Variants in PTK2 observed in about 807,000 individuals in gnomAD.
PTK2 encodes the protein focal adhesion kinase 1.
In PTK2, 45 loss-of-function variants were observed where a neutral mutation model predicts 150.1. The observed-to-expected ratio is 0.30, with a 90% CI of 0.24 to 0.38. The LOEUF is 0.38. Ranked by LOEUF, PTK2 falls within the 10% of genes least tolerant of loss-of-function variation. The pLI, the probability that PTK2 is intolerant of heterozygous loss-of-function variation, is 1.00. For missense variants in PTK2, 919 were observed against 1,307.3 expected, an observed-to-expected ratio of 0.70 and a Z score of 4.58; for synonymous variants, 432 against 449.2, an observed-to-expected ratio of 0.96 and a Z score of 0.48.
At chr8:140,678,419 T>C (rs2100015073) in intron 27 of PTK2, among the ~76,000 whole-genome samples, 1 of 152,084 alleles carries the variant, frequency 6.6e-6, no homozygotes. Context: ...TGATCTTTGT[T>C]CACTGTAGAC....
At chr8:140,672,022 T>A (rs978670338) in intron 29 of PTK2, 7 of 362,302 alleles carry the variant, frequency 1.9e-5, no homozygotes, top group Non-Finnish European at 3.8e-5. Flanking sequence ...CCTATCCTAA[T>A]TGTATGTATT....
intron 23 of PTK2, among the ~76,000 whole-genome samples, chr8:140,713,838 A>C (rs1436203201): frequency 6.6e-6 from 1 of 152,214 alleles, no homozygotes; most frequent in Non-Finnish European, 1.5e-5. Flanking sequence ...TTGTGGTTAT[A>C]ATGCTTTTAC....
chr8:140,928,938 A>T (rs937418552), intron 1 of PTK2, among the ~76,000 whole-genome samples: 8 of 151,348 alleles, frequency 5.3e-5, no homozygotes, highest in Middle Eastern at 3.2e-3. Context: ...CACATTTTTT[A>T]AAATTTATTT....
chr8:140,864,000 ATCTCTACC>A (rs1321738438), intron 5 of PTK2, among the ~76,000 whole-genome samples: 1 of 152,206 alleles, frequency 6.6e-6, no homozygotes, highest in African/African-American at 2.4e-5. Flanking sequence ...CTCTGCAACA[ATCTCTACC>A]TATGACAAAT....
At chr8:140,684,107 A>G (rs545104105) in intron 27 of PTK2, among the ~76,000 whole-genome samples, 1 of 152,338 alleles carries the variant, frequency 6.6e-6, no homozygotes, top group Admixed American at 6.5e-5. Context: ...ATACACAGAA[A>G]ACGCCATAGT....
intron 27 of PTK2, among the ~76,000 whole-genome samples, chr8:140,686,409 A>T (rs975932126): frequency 1.7e-5 from 1 of 57,326 alleles, no homozygotes; most frequent in Non-Finnish European, 5.8e-5. Flanking sequence ...AATAAAAGTT[A>T]AAAAAAAAAG....
intron 1 of PTK2, among the ~76,000 whole-genome samples, chr8:140,950,126 C>T (rs2100179073): frequency 1.7e-5 from 1 of 58,994 alleles, no homozygotes; most frequent in Admixed American, 1.9e-4. Flanking sequence ...CCACCTTGCT[C>T]ATCCTCCAGT....
intron 4 of PTK2, among the ~76,000 whole-genome samples, chr8:140,872,257 C>T (rs1282827938): frequency 6.6e-6 from 1 of 151,696 alleles, no homozygotes. Flanking sequence ...GTTGGCCAGG[C>T]TGGTCTTGAA....
chr8:140,896,962 T>G (rs1373216689), intron 2 of PTK2, among the ~76,000 whole-genome samples: 1 of 152,212 alleles, frequency 6.6e-6, no homozygotes, highest in Non-Finnish European at 1.5e-5. Flanking sequence ...TGCTGGATAG[T>G]AAAACAACAA....
chr8:140,962,534 C>A (rs1215993841), intron 1 of PTK2, among the ~76,000 whole-genome samples: 1 of 152,174 alleles, frequency 6.6e-6, no homozygotes, highest in Non-Finnish European at 1.5e-5. Context: ...CTACAGTCAT[C>A]ACACCTGTAA....
intron 3 of PTK2, among the ~76,000 whole-genome samples, chr8:140,884,247 G>C (rs770217790): frequency 6.4e-4 from 97 of 151,920 alleles, no homozygotes; most frequent in Non-Finnish European, 1.2e-3. Flanking sequence ...CTATCTCTCA[G>C]GATTTTGAAT....
At chr8:140,877,602 C>T (rs184832538) in intron 4 of PTK2, among the ~76,000 whole-genome samples, 2 of 152,128 alleles carry the variant, frequency 1.3e-5, no homozygotes, top group East Asian at 3.9e-4. Flanking sequence ...AAGCAGCATA[C>T]AGATGGCAGA....
chr8:140,902,940 T>TTTTG (rs1568517320), intron 2 of PTK2, among the ~76,000 whole-genome samples: 2 of 136,548 alleles, frequency 1.5e-5, no homozygotes, highest in Non-Finnish European at 3.2e-5. Context: ...TTTTTTTTTT[T>TTTTG]TTTTTTTTTT....
chr8:141,001,993 T>G (rs1054089481), upstream of PTK2: 1 of 152,048 alleles, frequency 6.6e-6, no homozygotes, highest in Admixed American at 6.5e-5. Flanking sequence ...AGCCCTGCAA[T>G]CCCTCCCGAG....
intron 1 of PTK2, among the ~76,000 whole-genome samples, chr8:140,964,032 A>AT (rs1470513287): frequency 6.6e-6 from 1 of 152,124 alleles, no homozygotes; most frequent in Non-Finnish European, 1.5e-5. Flanking sequence ...GCCTTTACTT[A>AT]TGCCAGTCCT....
chr8:140,979,371 CCA>C (rs2100190543), intron 1 of PTK2, among the ~76,000 whole-genome samples: 1 of 148,772 alleles, frequency 6.7e-6, no homozygotes, highest in Non-Finnish European at 1.5e-5. Flanking sequence ...GGATTGCAAT[CCA>C]CACATAGAAA....
chr8:140,706,024 A>G (rs1591371808), intron 24 of PTK2, 95 bp downstream of exon 27: 1 of 997,268 alleles, frequency 1.0e-6, no homozygotes, highest in Non-Finnish European at 1.5e-6. Context: ...TCATACTCAT[A>G]AGTACATAAA....
intron 1 of PTK2, among the ~76,000 whole-genome samples, chr8:140,970,596 G>A (rs530234356): frequency 1.1e-4 from 16 of 152,310 alleles, no homozygotes; most frequent in Admixed American, 7.2e-4. Flanking sequence ...TGTCCACTTT[G>A]CTCCACATCC....
intron 1 of PTK2, among the ~76,000 whole-genome samples, chr8:140,974,494 C>A (rs1047779719): frequency 6.6e-6 from 1 of 152,134 alleles, no homozygotes; most frequent in Admixed American, 6.6e-5. Context: ...TTCTGTCTTT[C>A]GGAAAGGAGG....
Sources: gnomAD v4.1 joint callset for allele counts (sites outside exome capture counted in the v4.1 genomes callset) on GRCh38, gnomAD v4.1.1 for gene constraint, MANE v1.5 for transcripts, NCBI Gene and HGNC (gene_info 2026-07-23, HGNC 2026-07-21) for gene names.